TENT4B: variants seen among roughly 807,000 people sequenced by gnomAD.
The protein encoded by TENT4B is PAP associated domain containing 5.
In TENT4B, 10 loss-of-function variants were observed where a neutral mutation model predicts 75.0. The ratio of observed to expected loss-of-function variants is 0.13; its 90% CI spans 0.08 to 0.23. The LOEUF (loss-of-function observed/expected upper bound fraction) is 0.23. TENT4B is among the 10% of genes least tolerant of loss of function. The pLI is 1.00. For missense variants in TENT4B, 579 were observed against 893.8 expected (o/e 0.65, Z 4.49); for synonymous variants, 350 against 357.7 (o/e 0.98, Z 0.24).
chr16:50,184,404 C>G (rs1467010160), intron 1 of TENT4B, among the ~76,000 whole-genome samples: 1 of 152,048 alleles, frequency 6.6e-6, no homozygotes, highest in African/African-American at 2.4e-5. Flanking sequence ...CGCGGTGGCT[C>G]ACGCCTGTAA....
chr16:50,187,955 G>A (rs1349463279), intron 1 of TENT4B, among the ~76,000 whole-genome samples: 2 of 152,006 alleles, frequency 1.3e-5, no homozygotes, highest in East Asian at 3.9e-4. Flanking sequence ...TAAAAATTGA[G>A]ACAGCAGCTT....
rs1195622102 is a variant in TENT4B, at chr16:50,231,866, A to G, written c.*2538A>G. 1 of 982,872 alleles carries G rather than the reference A, an allele frequency of 1.0e-6. No homozygotes were observed. Among genetic ancestry groups the G allele is most frequent in the East Asian group, 1.1e-4 (1 of 8,818 alleles). 60.9% of individuals were successfully genotyped at this position (982,872 alleles called of 1,614,324 possible). A position where few individuals can be genotyped will look rare whatever the true frequency, so the allele number is the denominator to read the frequency against. ...CTCATTTGTTTTATACATTTCATCTATTTGACTCCTATCTTATTTCTTTTT... is the reference window on the plus strand; with the variant it reads ...CTCATTTGTTTTATACATTTCATCTGTTTGACTCCTATCTTATTTCTTTTT... On this transcript the variant is annotated 3_prime_UTR_variant, in exon 12 of 12. Coordinates refer to ENST00000561678, the MANE Select transcript of TENT4B (RefSeq NM_001365324.3).
chr16:50,221,154 G>A (rs1443162205), intron 5 of TENT4B, among the ~76,000 whole-genome samples: 6 of 152,030 alleles, frequency 3.9e-5, no homozygotes, highest in Non-Finnish European at 8.8e-5. Flanking sequence ...GGCATGGTGG[G>A]CTGAGGTCGG....
intron 2 of TENT4B, among the ~76,000 whole-genome samples, chr16:50,213,995 A>G (rs548772366): frequency 2.6e-3 from 391 of 152,280 alleles, no homozygotes; most frequent in Non-Finnish European, 4.5e-3. Context: ...ATTTTGGTCT[A>G]TGTGTTTCAT....
chr16:50,193,709 TC>T (rs2030012972), intron 1 of TENT4B, among the ~76,000 whole-genome samples: 1 of 152,132 alleles, frequency 6.6e-6, no homozygotes, highest in Non-Finnish European at 1.5e-5. Context: ...GTTGTCACCT[TC>T]CATAAGTGTT....
In TENT4B at chr16:50,229,370, C is replaced by T; in HGVS notation, c.*42C>T. 1.3e-6 allele frequency: 2 copies of T among 1,577,876 alleles called. No individual in the cohort carries two copies. The highest frequency in any genetic ancestry group is 2.3e-5 in the East Asian group (1 of 44,340). ...GACTGTCTTCTCTGTGCAATGATCT[C>T]ATGCTCAGGACAGTTGCGCAGGGAC... On this transcript the variant is annotated 3_prime_UTR_variant, in exon 12 of 12. Transcript: ENST00000561678.
Position 50,229,918 on chromosome 16 carries a change from A to G in TENT4B, c.*590A>G, listed in dbSNP as rs1300214071. The G allele has an allele frequency of 2.2e-6, 2 of 927,446 alleles. No individual in the cohort carries two copies. Among genetic ancestry groups the G allele is most frequent in the Non-Finnish European group, 2.6e-6 (2 of 777,450 alleles). 57.5% of individuals were successfully genotyped at this position (927,446 alleles called of 1,614,324 possible). A position where few individuals can be genotyped will look rare whatever the true frequency, so the allele number is the denominator to read the frequency against. ...CATAACATTACTGTTTAAATTGTAAACAGATTTTTTCTCAGGATTAGTTTG... is the reference window on the plus strand; with the variant it reads ...CATAACATTACTGTTTAAATTGTAAGCAGATTTTTTCTCAGGATTAGTTTG... On this transcript the variant is annotated 3_prime_UTR_variant, in exon 12 of 12. Coordinates refer to ENST00000561678, the MANE Select transcript of TENT4B (RefSeq NM_001365324.3).
At chr16:50,200,572 T>C (rs751812264) in intron 1 of TENT4B, among the ~76,000 whole-genome samples, 7 of 152,152 alleles carry the variant, frequency 4.6e-5, no homozygotes, top group Non-Finnish European at 7.3e-5. Context: ...GGATTTTGAA[T>C]ATTCTATTAG....
In TENT4B at chr16:50,231,873, T is replaced by C. The variant is rs1294990377; in HGVS notation, c.*2545T>C. The C allele has an allele frequency of 1.0e-6, 1 of 982,350 alleles. No individual in the cohort carries two copies. The highest frequency in any genetic ancestry group is 1.1e-4 in the East Asian group (1 of 8,812). 60.9% of individuals were successfully genotyped at this position (982,350 alleles called of 1,614,324 possible). The stretch of plus-strand genomic sequence containing the variant: ...GTTTTATACATTTCATCTATTTGAC[T>C]CCTATCTTATTTCTTTTTTGAGTTT... On this transcript the variant is annotated 3_prime_UTR_variant, in exon 12 of 12. Transcript: ENST00000561678.
At chr16:50,178,898 G>A (rs2038358736) in intron 1 of TENT4B, among the ~76,000 whole-genome samples, 1 of 152,058 alleles carries the variant, frequency 6.6e-6, no homozygotes, top group Non-Finnish European at 1.5e-5. Flanking sequence ...GGTGAGGATT[G>A]CACAACAGTG....
intron 1 of TENT4B, among the ~76,000 whole-genome samples, chr16:50,177,708 T>C (rs1443437485): frequency 6.6e-6 from 1 of 152,116 alleles, no homozygotes; most frequent in Non-Finnish European, 1.5e-5. Flanking sequence ...TTTTCTCTAT[T>C]AATTTTGTTT....
intron 1 of TENT4B, among the ~76,000 whole-genome samples, chr16:50,156,736 C>A (rs2037908748): frequency 6.6e-6 from 1 of 151,972 alleles, no homozygotes; most frequent in East Asian, 1.9e-4. Flanking sequence ...CTCACTGTAT[C>A]CTCTAACTCT....
At chr16:50,159,476 G>C (rs2037963704) in intron 1 of TENT4B, among the ~76,000 whole-genome samples, 1 of 152,038 alleles carries the variant, frequency 6.6e-6, no homozygotes, top group Admixed American at 6.6e-5. Context: ...CCAACATCAG[G>C]TGATCTACCT....
rs201152188 is a variant in TENT4B at position 50,229,516 on chromosome 16, C to G, written c.*188C>G. On this transcript the variant is annotated 3_prime_UTR_variant, in exon 12 of 12. Coordinates refer to ENST00000561678, the MANE Select transcript of TENT4B (RefSeq NM_001365324.3). ...CAACTGCAAAAAAAACAAAACAAAA[C>G]AAAAAAAAAAGCAAGCAAAAAAGAG... The G allele has an allele frequency of 1.1e-5, 12 of 1,114,032 alleles. No homozygotes were observed. Among genetic ancestry groups the G allele is most frequent in the Non-Finnish European group, 8.8e-6 (8 of 904,478 alleles). The allele number at this position is 1,114,032 out of a possible 1,614,324, so 69.0% of individuals were successfully genotyped here.
upstream of TENT4B, chr16:50,153,109 G>C (rs1338995632): frequency 3.2e-5 from 39 of 1,227,274 alleles, no homozygotes; most frequent in Non-Finnish European, 4.0e-5. Flanking sequence ...CGCGGCCTCT[G>C]TGACGCACGG....
At chr16:50,154,823 C>T (rs919443018) in intron 1 of TENT4B, among the ~76,000 whole-genome samples, 6 of 152,174 alleles carry the variant, frequency 3.9e-5, no homozygotes, top group African/African-American at 1.2e-4. Flanking sequence ...TAAGGCATTG[C>T]CTGCTCTTGA....
At chr16:50,194,653 C>T (rs1186802609) in intron 1 of TENT4B, among the ~76,000 whole-genome samples, 2 of 151,638 alleles carry the variant, frequency 1.3e-5, no homozygotes, top group East Asian at 1.9e-4. Context: ...TGGGCTCAAG[C>T]GATACTTGCA....
intron 1 of TENT4B, among the ~76,000 whole-genome samples, chr16:50,155,272 G>GGTGGGTGGGTGTGTGTGTGTGTGTGT (rs1555506870): frequency 7.4e-6 from 1 of 135,372 alleles, no homozygotes; most frequent in Non-Finnish European, 1.6e-5. Flanking sequence ...GGGTCTCGTG[G>GGTGGGTGGGTGTGTGTGTGTGTGTGT]GTGTGTGTGT....
chr16:50,172,348 G>C (rs895856813), intron 1 of TENT4B, among the ~76,000 whole-genome samples: 14 of 150,890 alleles, frequency 9.3e-5, no homozygotes, highest in African/African-American at 3.2e-4. Context: ...CTGTCTCCAA[G>C]AGAAAAAAAA....
Sources: allele counts gnomAD v4.1 joint callset (sites outside exome capture counted in the v4.1 genomes callset), GRCh38; gene constraint gnomAD v4.1.1; transcripts MANE v1.5; gene names NCBI Gene and HGNC (gene_info 2026-07-23, HGNC 2026-07-21).